The following STK38 variants were observed in gnomAD, a reference collection of about 807,000 sequenced individuals.
STK38 encodes the protein serine/threonine kinase 38, also known as serine/threonine-protein kinase 38.
STK38 carries 26 observed loss-of-function variants against 59.0 expected under a neutral mutation model. That is an observed-to-expected ratio of 0.44 (90% confidence interval 0.32 to 0.61). STK38 has a LOEUF of 0.61. Ranked by LOEUF, STK38 falls within the 20% of genes least tolerant of loss-of-function variation. STK38 has a pLI of 0.04. For missense variants in STK38, 433 were observed against 566.0 expected, an observed-to-expected ratio of 0.76 and a Z score of 2.38; for synonymous variants, 175 against 176.6, an observed-to-expected ratio of 0.99 and a Z score of 0.07.
rs1289944907 is a variant in STK38 at position 36,540,215 on chromosome 6, C to A, written c.-5-8G>T. On this transcript the variant is annotated splice_polypyrimidine_tract_variant and splice_region_variant and intron_variant, in intron 1 of 13. Transcript: ENST00000229812. ...CTGTCATTGCCATGGCTGCTAGAAACAAAGAAAAGAAGAGGTGTTAGATTT... is the reference window on the plus strand; with the variant it reads ...CTGTCATTGCCATGGCTGCTAGAAAAAAAGAAAAGAAGAGGTGTTAGATTT... The A allele has an allele frequency of 6.2e-7, 1 of 1,613,272 alleles. No individual in the cohort carries two copies.
chr6:36,510,977 T>C (rs1162629795), intron 7 of STK38, among the ~76,000 whole-genome samples: 1 of 152,114 alleles, frequency 6.6e-6, no homozygotes, highest in Admixed American at 6.6e-5. Context: ...AAGGAAAAAG[T>C]AGGTGTCTTA....
In STK38 at chr6:36,495,762, A is replaced by G. The variant is rs752169680; in HGVS notation, c.*22T>C. ...TGTTATACAAAGAACTCTGCTCCAC[A>G]TAGGATTCCGTGGCAAGAGTACTAT... On this transcript the variant is annotated 3_prime_UTR_variant, in exon 14 of 14. Transcript: ENST00000229812. 6.2e-7 allele frequency: 1 copy of G among 1,613,258 alleles called. No individual in the cohort carries two copies. Among genetic ancestry groups the G allele is most frequent in the Non-Finnish European group, 8.5e-7 (1 of 1,179,466 alleles).
At chr6:36,543,374 C>T (rs1280036394) in intron 1 of STK38, among the ~76,000 whole-genome samples, 2 of 151,968 alleles carry the variant, frequency 1.3e-5, no homozygotes, top group African/African-American at 4.8e-5. Context: ...CAATAGTGCT[C>T]AATATTTTAT....
intron 7 of STK38, among the ~76,000 whole-genome samples, chr6:36,509,333 C>T (rs78166696): frequency 5.7e-4 from 87 of 152,282 alleles, no homozygotes; most frequent in Non-Finnish European, 1.0e-3. Flanking sequence ...GTGGGTACCT[C>T]CCAGACGCAG....
Position 36,494,750 on chromosome 6 carries a change from G to A in STK38, c.*1034C>T, listed in dbSNP as rs1467391093. The A allele has an allele frequency of 1.3e-5, 2 of 152,628 alleles. No individual in the cohort carries two copies. Among genetic ancestry groups the A allele is most frequent in the Admixed American group, 1.3e-4 (2 of 15,272 alleles). 9.5% of individuals were successfully genotyped at this position (152,628 alleles called of 1,614,324 possible). ...GGCTGTGCCAAGGACTGAGGAGTGA[G>A]CTTTACAAGGACTTGTCAGCTGGCT... is the stretch of plus-strand genomic sequence containing the variant. On this transcript the variant is annotated 3_prime_UTR_variant, in exon 14 of 14. Transcript: ENST00000229812.
At chr6:36,544,018 G>A (rs1778004041) in intron 1 of STK38, among the ~76,000 whole-genome samples, 1 of 152,134 alleles carries the variant, frequency 6.6e-6, no homozygotes, top group African/African-American at 2.4e-5. Context: ...AAATTGTTTT[G>A]TGGATTAAAC....
chr6:36,542,761 C>A (rs909823077), intron 1 of STK38, among the ~76,000 whole-genome samples: 1 of 152,038 alleles, frequency 6.6e-6, no homozygotes, highest in African/African-American at 2.4e-5. Context: ...GCCTGACCAA[C>A]AGAGTGAAAC....
chr6:36,535,685 G>T (rs1369745139), intron 2 of STK38, among the ~76,000 whole-genome samples: 1 of 151,742 alleles, frequency 6.6e-6, no homozygotes, highest in Non-Finnish European at 1.5e-5. Flanking sequence ...AGACCATCCT[G>T]GCCAACATGG....
chr6:36,545,915 CTA>C (rs1365283256), intron 1 of STK38, among the ~76,000 whole-genome samples: 1 of 152,198 alleles, frequency 6.6e-6, no homozygotes, highest in African/African-American at 2.4e-5. Context: ...GTGATTCAAT[CTA>C]TATGGTTATG....
chr6:36,505,782 C>G (rs1440302675), intron 9 of STK38, among the ~76,000 whole-genome samples: 3 of 152,212 alleles, frequency 2.0e-5, no homozygotes, highest in Non-Finnish European at 4.4e-5. Flanking sequence ...TTACCATCAT[C>G]AATTTCATTT....
Position 36,547,445 on chromosome 6 carries a change from G to A in STK38, c.-261C>T, listed in dbSNP as rs748902942. ...AGCCCGGTCCCCCGCCGCGGAGACG[G>A]GCTGGCGCGGCAGCCCGGGGCCGAG... On this transcript the variant is annotated 5_prime_UTR_variant, in exon 1 of 14. Coordinates refer to ENST00000229812, the MANE Select transcript of STK38 (RefSeq NM_007271.4). 1 of 152,260 alleles carries A rather than the reference G, an allele frequency of 6.6e-6. No individual in the cohort carries two copies. Among genetic ancestry groups the A allele is most frequent in the African/African-American group, 2.4e-5 (1 of 41,448 alleles). The allele number at this position is 152,260 out of a possible 1,614,324, so 9.4% of individuals were successfully genotyped here.
At chr6:36,501,088 G>A (rs897803751) in intron 9 of STK38, among the ~76,000 whole-genome samples, 6 of 152,088 alleles carry the variant, frequency 3.9e-5, no homozygotes, top group Admixed American at 2.0e-4. Context: ...TAGTAGCTAG[G>A]ACCACAGGTG....
intron 3 of STK38, among the ~76,000 whole-genome samples, chr6:36,525,286 C>T (rs1777483929): frequency 6.6e-6 from 1 of 152,048 alleles, no homozygotes; most frequent in African/African-American, 2.4e-5. Flanking sequence ...GGAGACTTTT[C>T]AGTGAATTCT....
chr6:36,527,451 G>A (rs964633030), intron 2 of STK38, among the ~76,000 whole-genome samples: 3 of 150,928 alleles, frequency 2.0e-5, no homozygotes, highest in African/African-American at 7.3e-5. Flanking sequence ...CTTGGGAGGG[G>A]CTGAGGCACA....
chr6:36,507,651 G>A, intron 7 of STK38, 49 bp from the exon 8 acceptor site: 1 of 1,407,334 alleles, frequency 7.1e-7, no homozygotes, highest in Non-Finnish European at 1.0e-6. Flanking sequence ...CTTGGAGGTA[G>A]AACAGAACAT....
At chr6:36,517,025 G>A (rs1777271667) in intron 6 of STK38, among the ~76,000 whole-genome samples, 1 of 152,126 alleles carries the variant, frequency 6.6e-6, no homozygotes, top group Admixed American at 6.5e-5. Flanking sequence ...TTATTAAAAA[G>A]TATTGATGAC....
At chr6:36,499,147 G>T (rs1012515667) in intron 10 of STK38, among the ~76,000 whole-genome samples, 3 of 152,242 alleles carry the variant, frequency 2.0e-5, no homozygotes, top group African/African-American at 7.2e-5. Flanking sequence ...ATGAAAGGAT[G>T]AAACAATATC....
At chr6:36,536,377 A>G (rs145630877) in intron 2 of STK38, among the ~76,000 whole-genome samples, 68 of 152,234 alleles carry the variant, frequency 4.5e-4, no homozygotes, top group African/African-American at 1.6e-3. Context: ...TTGGGGATAA[A>G]TAAAGGTTTC....
intron 9 of STK38, among the ~76,000 whole-genome samples, chr6:36,504,899 A>C (rs1776923506): frequency 2.2e-5 from 1 of 45,624 alleles, no homozygotes; most frequent in African/African-American, 1.4e-4. Context: ...CCTGGCCTCC[A>C]AAAAAAAAAA....
Sources: gnomAD v4.1 joint callset for allele counts (sites outside exome capture counted in the v4.1 genomes callset) on GRCh38, gnomAD v4.1.1 for gene constraint, MANE v1.5 for transcripts, NCBI Gene and HGNC (gene_info 2026-07-23, HGNC 2026-07-21) for gene names.